CNTN4: variants seen among roughly 807,000 people sequenced by gnomAD.
CNTN4 encodes contactin 4.
Under a neutral mutation model 122.5 loss-of-function variants are expected in CNTN4, and 77 were observed. The ratio of observed to expected loss-of-function variants is 0.63; its 90% confidence interval spans 0.52 to 0.76. The LOEUF (loss-of-function observed/expected upper bound fraction) is 0.76. Among genes scored for constraint, CNTN4 ranks in the 30% least tolerant of loss-of-function variants. The pLI is 0.00. For synonymous variants in CNTN4, 512 were observed against 447.0 expected (o/e 1.15, Z -1.83); for missense variants, 1,256 against 1,259.1 (o/e 1.00, Z 0.04).
At chr3:2,773,124 T>A (rs919438605) in intron 6 of CNTN4, among the ~76,000 whole-genome samples, 1 of 146,324 alleles carries the variant, frequency 6.8e-6, no homozygotes, top group Non-Finnish European at 1.5e-5. Flanking sequence ...GTTAATCTTT[T>A]GGTGGGGGGG....
intron 3 of CNTN4, among the ~76,000 whole-genome samples, chr3:2,372,045 T>A (rs1166340825): frequency 6.6e-6 from 1 of 152,210 alleles, no homozygotes; most frequent in African/African-American, 2.4e-5. Flanking sequence ...AATCATCATA[T>A]TTTTCATATA....
intron 6 of CNTN4, among the ~76,000 whole-genome samples, chr3:2,783,752 G>A (rs781622665): frequency 2.6e-5 from 4 of 152,324 alleles, no homozygotes; most frequent in African/African-American, 7.2e-5. Context: ...GAGTTGTAAC[G>A]TAAAGACGAA....
chr3:2,320,852 C>T (rs926882743), intron 2 of CNTN4, among the ~76,000 whole-genome samples: 4 of 152,096 alleles, frequency 2.6e-5, no homozygotes, highest in African/African-American at 9.7e-5. Flanking sequence ...AGCATAAGTA[C>T]ATCTGTGTTT....
At chr3:2,628,881 G>C (rs955682518) in intron 4 of CNTN4, among the ~76,000 whole-genome samples, 2 of 152,068 alleles carry the variant, frequency 1.3e-5, no homozygotes, top group Non-Finnish European at 2.9e-5. Context: ...TTTTTTGTTT[G>C]TTTTTTACTC....
chr3:2,469,968 G>A (rs1392328547), intron 3 of CNTN4, among the ~76,000 whole-genome samples: 2 of 152,082 alleles, frequency 1.3e-5, no homozygotes, highest in African/African-American at 4.8e-5. Flanking sequence ...TTAAAGAAAT[G>A]GTTTTTTACA....
intron 14 of CNTN4, among the ~76,000 whole-genome samples, chr3:2,995,689 T>C (rs1695471176): frequency 1.3e-5 from 2 of 152,144 alleles, no homozygotes; most frequent in South Asian, 2.1e-4. Context: ...AGCATCTGTG[T>C]GGTGTGATTT....
At chr3:2,791,144 A>T (rs1429960583) in intron 6 of CNTN4, among the ~76,000 whole-genome samples, 3 of 152,226 alleles carry the variant, frequency 2.0e-5, no homozygotes, top group African/African-American at 7.2e-5. Context: ...AATGAGTTTT[A>T]TCATGTAACT....
chr3:2,819,654 A>G, intron 7 of CNTN4, 73 bp downstream of exon 7: 11 of 1,139,576 alleles, frequency 9.7e-6, no homozygotes, highest in Non-Finnish European at 1.5e-5. Context: ...CTCCCTCCTG[A>G]CACCAGCTGA....
chr3:2,358,145 G>A (rs181103482), intron 3 of CNTN4, among the ~76,000 whole-genome samples: 2 of 152,154 alleles, frequency 1.3e-5, no homozygotes, highest in East Asian at 3.9e-4. Flanking sequence ...CTTATCTGTA[G>A]GATACTTGAC....
intron 3 of CNTN4, among the ~76,000 whole-genome samples, chr3:2,344,402 C>G (rs776150407): frequency 6.6e-6 from 1 of 151,894 alleles, no homozygotes; most frequent in East Asian, 1.9e-4. Context: ...GCCCCAGCCT[C>G]GTGAATAGCT....
chr3:2,620,153 C>T (rs1266647066), intron 4 of CNTN4, among the ~76,000 whole-genome samples: 1 of 152,168 alleles, frequency 6.6e-6, no homozygotes, highest in East Asian at 1.9e-4. Context: ...TTTTACTTCT[C>T]ACTTACTTTA....
At chr3:2,538,954 C>A (rs1209013961) in intron 3 of CNTN4, among the ~76,000 whole-genome samples, 1 of 151,968 alleles carries the variant, frequency 6.6e-6, no homozygotes, top group African/African-American at 2.4e-5. Flanking sequence ...AATCCCCATA[C>A]AATTTTCCAT....
At chr3:2,632,816 T>G (rs772911401) in intron 4 of CNTN4, among the ~76,000 whole-genome samples, 25 of 152,230 alleles carry the variant, frequency 1.6e-4, no homozygotes, top group Non-Finnish European at 2.6e-4. Context: ...AGCTCAGGTG[T>G]GCCTCAGAAA....
At chr3:2,875,616 A>G (rs1051023702) in intron 8 of CNTN4, among the ~76,000 whole-genome samples, 1 of 152,222 alleles carries the variant, frequency 6.6e-6, no homozygotes, top group Non-Finnish European at 1.5e-5. Context: ...TGTATAGCCC[A>G]CAAAACCTAG....
intron 2 of CNTN4, among the ~76,000 whole-genome samples, chr3:2,314,062 TTTC>T (rs1319966136): frequency 6.6e-6 from 1 of 152,014 alleles, no homozygotes; most frequent in African/African-American, 2.4e-5. Flanking sequence ...TAATTTCAGT[TTTC>T]TTGTCAAAAA....
At chr3:2,131,320 C>T (rs762906587) in intron 2 of CNTN4, among the ~76,000 whole-genome samples, 1 of 152,122 alleles carries the variant, frequency 6.6e-6, no homozygotes, top group Non-Finnish European at 1.5e-5. Flanking sequence ...CTCTGATTTG[C>T]AGCCCATAGA....
chr3:2,298,118 A>G (rs989153554), intron 2 of CNTN4, among the ~76,000 whole-genome samples: 1 of 152,220 alleles, frequency 6.6e-6, no homozygotes, highest in Admixed American at 6.5e-5. Context: ...TTGAATGAAC[A>G]ATTAGGTTGA....
At chr3:2,534,297 G>A (rs1402622171) in intron 3 of CNTN4, among the ~76,000 whole-genome samples, 4 of 152,142 alleles carry the variant, frequency 2.6e-5, no homozygotes, top group Admixed American at 6.5e-5. Flanking sequence ...TTGTAAGGAA[G>A]GGATCCAGTT....
At chr3:2,468,681 T>C (rs2075587249) in intron 3 of CNTN4, among the ~76,000 whole-genome samples, 1 of 152,206 alleles carries the variant, frequency 6.6e-6, no homozygotes, top group Non-Finnish European at 1.5e-5. Context: ...GGTTCATTCA[T>C]GTCAGCAGTG....
Sources: gnomAD v4.1 joint callset for allele counts (sites outside exome capture counted in the v4.1 genomes callset) on GRCh38, gnomAD v4.1.1 for gene constraint, MANE v1.5 for transcripts, NCBI Gene and HGNC (gene_info 2026-07-23, HGNC 2026-07-21) for gene names.